Variants in DIPK1B observed in about 807,000 individuals in gnomAD.
The protein encoded by DIPK1B is family with sequence similarity 69 member B.
DIPK1B carries 17 observed loss-of-function variants against 20.7 expected under a neutral mutation model. The ratio of observed to expected loss-of-function variants is 0.82; its 90% CI spans 0.56 to 1.23. DIPK1B has a LOEUF of 1.23. DIPK1B is among the 50% of genes most tolerant of loss of function. The probability of loss-of-function intolerance (pLI) is 0.00; values close to 1 mark genes in which losing one functional copy is unlikely to be tolerated. For missense variants in DIPK1B, 648 were observed against 601.8 expected (o/e 1.08, Z -0.80); for synonymous variants, 343 against 276.5 (o/e 1.24, Z -2.39).
chr9:136,723,397 GCCA>G lies in DIPK1B; in HGVS notation c.922_924del (p.Thr308del). On this transcript the variant is annotated inframe_deletion, in exon 5 of 5. Coordinates refer to ENST00000371692, the MANE Select transcript of DIPK1B (RefSeq NM_152421.4). ...CACACTGGCCAACGTGGGCTACACA[GCCA>G]CCTACGACTTCAAGATGGCCGACCT... 8 of 1,613,128 alleles carry G rather than the reference GCCA, an allele frequency of 5.0e-6. No homozygotes were observed. The highest frequency in any genetic ancestry group is 6.8e-6 in the Non-Finnish European group (8 of 1,179,760).
intron 1 of DIPK1B, among the ~76,000 whole-genome samples, chr9:136,715,906 C>T (rs747443759): frequency 2.6e-5 from 4 of 152,184 alleles, no homozygotes; most frequent in Non-Finnish European, 5.9e-5. Context: ...TCCCTCTGTC[C>T]GCAGAGCTCT....
chr9:136,719,308 G>C (rs989629294), intron 2 of DIPK1B, among the ~76,000 whole-genome samples: 1 of 152,154 alleles, frequency 6.6e-6, no homozygotes, highest in African/African-American at 2.4e-5. Context: ...CCCAGTGGGG[G>C]TTTCCCTGGC....
At position 136,722,201 on chromosome 9, in the gene DIPK1B, G is replaced by C; in HGVS notation, c.383G>C (p.Arg128Pro). 1 of 1,614,046 alleles carries C rather than the reference G, an allele frequency of 6.2e-7. No homozygotes were observed. Among genetic ancestry groups the C allele is most frequent in the South Asian group, 1.1e-5 (1 of 91,082 alleles). ...GIEETLDSKA[R>P]SDAAPRRELV... is the part of the protein sequence containing the mutation. ...GAGGAGACCCTCGACTCCAAGGCCCGGTCGGATGCGGCCCCCCGGCGGGAG... is the reference window on the plus strand; with the variant it reads ...GAGGAGACCCTCGACTCCAAGGCCCCGTCGGATGCGGCCCCCCGGCGGGAG... The change falls in exon 4 of 5, where the codon CGG becomes CCG. Residue 128 changes from arginine to proline, a missense_variant. Transcript: ENST00000371692.
At chr9:136,716,962 C>T (rs1846505909) in intron 1 of DIPK1B, among the ~76,000 whole-genome samples, 1 of 152,168 alleles carries the variant, frequency 6.6e-6, no homozygotes, top group Non-Finnish European at 1.5e-5. Context: ...GGCACAGTGG[C>T]TCACACCTGT....
intron 1 of DIPK1B, among the ~76,000 whole-genome samples, chr9:136,717,351 C>T (rs1244987552): frequency 2.0e-5 from 3 of 152,196 alleles, no homozygotes; most frequent in Non-Finnish European, 4.4e-5. Flanking sequence ...CTGCCCCCAC[C>T]TCCGGCCCCT....
chr9:136,722,504 G>A (rs546966146), intron 4 of DIPK1B: 7 of 663,930 alleles, frequency 1.1e-5, no homozygotes, highest in South Asian at 5.9e-5. Context: ...GGTTGGGGGC[G>A]CCGGTGGGCT....
At position 136,724,452 on chromosome 9, in the gene DIPK1B, G is replaced by A. The variant is rs560017473; in HGVS notation, c.*678G>A. Among the ~76,000 whole-genome samples, 11 of 152,232 alleles carry A rather than the reference G, an allele frequency of 7.2e-5. No individual in the cohort carries two copies. The highest frequency in any genetic ancestry group is 2.4e-4 in the African/African-American group (10 of 41,542). On this transcript the variant is annotated 3_prime_UTR_variant, in exon 5 of 5. Transcript: ENST00000371692. The stretch of plus-strand genomic sequence containing the variant: ...AGGAATGGCCATCTTCTCCAGCCCC[G>A]TACGCTCTCCCCAGTAGCCCAGGGC...
intron 1 of DIPK1B, among the ~76,000 whole-genome samples, chr9:136,713,023 C>T (rs969000530): frequency 2.0e-5 from 3 of 152,220 alleles, no homozygotes; most frequent in Non-Finnish European, 4.4e-5. Flanking sequence ...GAAGTCCTTT[C>T]TTCTTTTCTC....
rs1055962235 is a variant in DIPK1B, at chr9:136,724,237, C to T, written c.*463C>T. ...TTCAACCCACACACACCTCTGAAGC[C>T]GCCAGGGCAGTTCCCCAAACACAGC... On this transcript the variant is annotated 3_prime_UTR_variant, in exon 5 of 5. Coordinates refer to ENST00000371692, the MANE Select transcript of DIPK1B (RefSeq NM_152421.4). Among the ~76,000 whole-genome samples the T allele has an allele frequency of 2.6e-5, 4 of 152,162 alleles. No homozygotes were observed. The highest frequency in any genetic ancestry group is 9.7e-5 in the African/African-American group (4 of 41,426).
At position 136,723,792 on chromosome 9, in the gene DIPK1B, T is replaced by TG; in HGVS notation, c.*20dup. 1 of 1,530,402 alleles carries TG rather than the reference T, an allele frequency of 6.5e-7. No homozygotes were observed. Among genetic ancestry groups the TG allele is most frequent in the Non-Finnish European group, 8.7e-7 (1 of 1,143,936 alleles). 94.8% of individuals were successfully genotyped at this position (1,530,402 alleles called of 1,614,324 possible). ...ACTCTTGATGGGGCAGTGAGGGGCCTGGCCACCCTTCCTGGAGCTGGCCAG... is the reference window on the plus strand; with the variant it reads ...ACTCTTGATGGGGCAGTGAGGGGCCTGGGCCACCCTTCCTGGAGCTGGCCAG... On this transcript the variant is annotated 3_prime_UTR_variant, in exon 5 of 5. Coordinates refer to ENST00000371692, the MANE Select transcript of DIPK1B (RefSeq NM_152421.4).
At position 136,723,531 on chromosome 9, in the gene DIPK1B, C is replaced by T. The variant is rs1355373012; in HGVS notation, c.1053C>T (p.Asp351=). Residue 351 remains aspartate (D), a synonymous_variant, in exon 5 of 5, where the codon GAC becomes GAT. Coordinates refer to ENST00000371692, the MANE Select transcript of DIPK1B (RefSeq NM_152421.4). ...TYGRDCRAPC[D]RLMRQCKGDL... ...GGCGCGACTGCAGGGCCCCGTGTGA[C>T]AGGCTCATGAGGCAGTGCAAGGGCG... is the stretch of plus-strand genomic sequence containing the variant. 2.5e-6 allele frequency: 4 copies of T among 1,600,260 alleles called. No individual in the cohort carries two copies. Among genetic ancestry groups the T allele is most frequent in the Non-Finnish European group, 2.6e-6 (3 of 1,173,862 alleles).
rs1438641766 is a variant in DIPK1B, at chr9:136,723,965, T to A, written c.*191T>A. 2 of 627,070 alleles carry A rather than the reference T, an allele frequency of 3.2e-6. No homozygotes were observed. Among genetic ancestry groups the A allele is most frequent in the Admixed American group, 3.0e-5 (1 of 33,652 alleles). 38.8% of individuals were successfully genotyped at this position (627,070 alleles called of 1,614,324 possible). A position where few individuals can be genotyped will look rare whatever the true frequency, so the allele number is the denominator to read the frequency against. ...CTCGGAGCAAAGGCGGACATGGACA[T>A]CCCGGCAGGAGAGTCCTCCAAGGGG... On this transcript the variant is annotated 3_prime_UTR_variant, in exon 5 of 5. Coordinates refer to ENST00000371692, the MANE Select transcript of DIPK1B (RefSeq NM_152421.4).
chr9:136,722,742 G>A (rs894832687), intron 4 of DIPK1B: 21 of 608,376 alleles, frequency 3.5e-5, no homozygotes, highest in South Asian at 2.5e-4. Context: ...GCCAGGAGGC[G>A]GGAGGTCTGT....
chr9:136,719,261 C>T (rs1021786212), intron 2 of DIPK1B, among the ~76,000 whole-genome samples: 7 of 152,140 alleles, frequency 4.6e-5, no homozygotes, highest in Admixed American at 2.0e-4. Flanking sequence ...CAAGAGGAAG[C>T]TGCAGCGTCG....
At position 136,724,310 on chromosome 9, in the gene DIPK1B, CA is replaced by C. The variant is rs1846668868; in HGVS notation, c.*537del. Among the ~76,000 whole-genome samples the C allele has an allele frequency of 3.3e-5, 5 of 152,200 alleles. No individual in the cohort carries two copies. Among genetic ancestry groups the C allele is most frequent in the Non-Finnish European group, 1.5e-5 (1 of 68,042 alleles). ...CAGTACCCCCCAAACCTGGGCTGTG[CA>C]CAACAGACCAAGAAAAAGGTGTTCC... On this transcript the variant is annotated 3_prime_UTR_variant, in exon 5 of 5. Coordinates refer to ENST00000371692, the MANE Select transcript of DIPK1B (RefSeq NM_152421.4).
intron 2 of DIPK1B, among the ~76,000 whole-genome samples, chr9:136,718,356 A>T (rs1022529362): frequency 6.6e-6 from 1 of 152,130 alleles, no homozygotes; most frequent in African/African-American, 2.4e-5. Flanking sequence ...GGCAGGTGGC[A>T]GGGCAAGGTC....
chr9:136,723,598 C>CG lies in DIPK1B; in HGVS notation c.1124dup (p.Tyr376LeufsTer61). 6.3e-7 allele frequency: 1 copy of CG among 1,592,114 alleles called. No homozygotes were observed. The highest frequency in any genetic ancestry group is 8.5e-7 in the Non-Finnish European group (1 of 1,170,322). On this transcript the variant is annotated frameshift_variant, in exon 5 of 5. Coordinates refer to ENST00000371692, the MANE Select transcript of DIPK1B (RefSeq NM_152421.4). LOFTEE classifies it low-confidence loss of function (END_TRUNC). ...CCTGGCCAAGGTGTGCGCACTGCTA[C>CG]GGGGCTACCTGCTGCCTGGCGCGCC...
In DIPK1B at chr9:136,723,591, A is replaced by C. The variant is rs749078758; in HGVS notation, c.1113A>C (p.Ala371=). The C allele has an allele frequency of 5.6e-6, 9 of 1,594,330 alleles. No individual in the cohort carries two copies. Among genetic ancestry groups the C allele is most frequent in the Non-Finnish European group, 6.0e-6 (7 of 1,171,274 alleles). ...AGCCCAACCTGGCCAAGGTGTGCGC[A>C]CTGCTACGGGGCTACCTGCTGCCTG... ...LIQPNLAKVC[A]LLRGYLLPGA... The change falls in exon 5 of 5, where the codon GCA becomes GCC. Residue 371 remains alanine, a synonymous_variant. Transcript: ENST00000371692.
intron 2 of DIPK1B, among the ~76,000 whole-genome samples, chr9:136,718,522 A>C (rs368382644): frequency 7.2e-5 from 11 of 152,284 alleles, no homozygotes; most frequent in African/African-American, 2.6e-4. Flanking sequence ...AGGTCATCCC[A>C]GCTCTGTCTT....
Sources: gnomAD v4.1 joint callset for allele counts (sites outside exome capture counted in the v4.1 genomes callset) on GRCh38, gnomAD v4.1.1 for gene constraint, MANE v1.5 for transcripts, NCBI Gene and HGNC (gene_info 2026-07-23, HGNC 2026-07-21) for gene names.